The following WDR37 variants were observed in gnomAD, a reference collection of about 807,000 sequenced individuals.
WDR37 encodes WD repeat domain 37.
WDR37 carries 19 observed loss-of-function variants against 62.9 expected under a neutral mutation model. The ratio of observed to expected loss-of-function variants is 0.30; its 90% CI spans 0.21 to 0.44. The LOEUF is 0.44. WDR37 is among the 20% of genes least tolerant of loss of function. The probability of loss-of-function intolerance (pLI) is 1.00; values close to 1 mark genes in which losing one functional copy is unlikely to be tolerated. For missense variants in WDR37, 474 were observed against 657.6 expected (o/e 0.72, Z 3.05); for synonymous variants, 250 against 260.9 (o/e 0.96, Z 0.40).
At chr10:1,069,389 A>ATATTTTTTT in intron 1 of WDR37, among the ~76,000 whole-genome samples, 4 of 95,780 alleles carry the variant, frequency 4.2e-5, no homozygotes, top group African/African-American at 1.9e-4. Flanking sequence ...ATATATATAT[A>ATATTTTTTT]TTTTTTTTTT....
rs545384177 is a variant in WDR37, at chr10:1,064,118, AAG to A, written c.-41+7152_-41+7153del. 3.9e-5 allele frequency among the ~76,000 whole-genome samples: 6 copies of A among 152,368 alleles called. No homozygotes were observed. The East Asian group carries it at 1.2e-3, about 29-fold the overall frequency. ...CAGGAAGAAAATACAGGATGTAAAA[AAG>A]AAACACAAAATTTCAAAAGTGAAAA... On this transcript the variant is annotated intron_variant, in intron 1 of 13. Coordinates refer to ENST00000263150, the MANE Select transcript of WDR37 (RefSeq NM_014023.4).
intron 11 of WDR37, among the ~76,000 whole-genome samples, chr10:1,118,501 G>A (rs987007824): frequency 4.4e-4 from 66 of 149,498 alleles, no homozygotes; most frequent in African/African-American, 1.5e-3. Flanking sequence ...CGTGCACTCA[G>A]CCACCCTCAG....
chr10:1,108,119 A>G (rs1242346002), intron 11 of WDR37, among the ~76,000 whole-genome samples: 3 of 152,258 alleles, frequency 2.0e-5, no homozygotes, highest in Non-Finnish European at 4.4e-5. Context: ...CTCCTAATAC[A>G]GTACCATTGT....
chr10:1,127,058 T>C (rs1835812132), intron 13 of WDR37, among the ~76,000 whole-genome samples: 1 of 152,268 alleles, frequency 6.6e-6, no homozygotes, highest in Admixed American at 6.5e-5. Flanking sequence ...TTAGACACAG[T>C]AGAATGTTCT....
chr10:1,108,626 A>T (rs1482623269), intron 11 of WDR37, among the ~76,000 whole-genome samples: 1 of 152,062 alleles, frequency 6.6e-6, no homozygotes, highest in African/African-American at 2.4e-5. Context: ...ACTTCTGTCT[A>T]CACTGGTTAG....
chr10:1,084,653 G>A lies in WDR37; in HGVS notation c.532+115G>A, dbSNP rs1247403158. The A allele has an allele frequency of 3.5e-6, 5 of 1,438,884 alleles. No homozygotes were observed. In the East Asian group the frequency reaches 7.0e-5, roughly 20 times the overall value. 89.1% of individuals were successfully genotyped at this position (1,438,884 alleles called of 1,614,324 possible). A position where few individuals can be genotyped will look rare whatever the true frequency, so the allele number is the denominator to read the frequency against. ...ACCCTAGATGCAAAAGCGTCATGGAGGAGTCAGTGGAACCCCCCACACATT... is the reference window on the plus strand; with the variant it reads ...ACCCTAGATGCAAAAGCGTCATGGAAGAGTCAGTGGAACCCCCCACACATT... On this transcript the variant is annotated intron_variant, in intron 6 of 13. Coordinates refer to ENST00000263150, the MANE Select transcript of WDR37 (RefSeq NM_014023.4).
At chr10:1,069,390 T>TATATATA (rs1491098746) in intron 1 of WDR37, among the ~76,000 whole-genome samples, 88 of 47,100 alleles carry the variant, frequency 1.9e-3, no homozygotes, top group Non-Finnish European at 2.4e-3. Context: ...TATATATATA[T>TATATATA]TTTTTTTTTT....
chr10:1,081,813 A>G (rs369294633), intron 5 of WDR37, among the ~76,000 whole-genome samples: 48 of 152,238 alleles, frequency 3.2e-4, no homozygotes, highest in African/African-American at 8.2e-4. Context: ...TGGTGTGTAC[A>G]GTTGTATATA....
intron 9 of WDR37, among the ~76,000 whole-genome samples, chr10:1,101,190 G>T (rs1834786973): frequency 6.6e-6 from 1 of 152,142 alleles, no homozygotes; most frequent in Non-Finnish European, 1.5e-5. Context: ...TTGTTTTCTG[G>T]GGCTGCCATA....
rs1834886437 is a variant in WDR37, at chr10:1,103,313, A to T, written c.727-289A>T. ...AATGTTGAAAATCATTTTATTTGCC[A>T]TTCTGTTGATGCGTGGAAATAAATG... On this transcript the variant is annotated intron_variant, in intron 9 of 13. Transcript: ENST00000263150. This position sits in a 1 kb window ranked among gnomAD's most constrained non-coding sequence, Gnocchi z 6.3. Among the ~76,000 whole-genome samples, 1 of 152,172 alleles carries T rather than the reference A, an allele frequency of 6.6e-6. No individual in the cohort carries two copies. The highest frequency in any genetic ancestry group is 6.5e-5 in the Admixed American group (1 of 15,286).
chr10:1,081,302 T>C (rs958459602), intron 5 of WDR37, among the ~76,000 whole-genome samples: 2 of 152,256 alleles, frequency 1.3e-5, no homozygotes, highest in Non-Finnish European at 2.9e-5. Flanking sequence ...GATGGATTAC[T>C]ATCAAGTGAT....
intron 2 of WDR37, among the ~76,000 whole-genome samples, chr10:1,077,406 ACT>A (rs917305389): frequency 6.6e-6 from 1 of 151,742 alleles, no homozygotes; most frequent in African/African-American, 2.4e-5. Context: ...TCTTCACAAC[ACT>A]CTTTTAGGTG....
chr10:1,119,171 G>C (rs985409006), intron 11 of WDR37, among the ~76,000 whole-genome samples: 1 of 152,206 alleles, frequency 6.6e-6, no homozygotes, highest in Non-Finnish European at 1.5e-5. Context: ...GTGGTTGTGA[G>C]AAACGGTCTC....
At chr10:1,107,668 C>T (rs550490743) in intron 11 of WDR37, among the ~76,000 whole-genome samples, 2 of 152,230 alleles carry the variant, frequency 1.3e-5, no homozygotes, top group East Asian at 3.9e-4. Flanking sequence ...GAAACACACG[C>T]CCACTAACCC....
At chr10:1,086,253 C>T (rs748957092) in intron 6 of WDR37, 33 bp from the exon 7 acceptor site, 2 of 1,587,270 alleles carry the variant, frequency 1.3e-6, no homozygotes, top group Middle Eastern at 3.3e-4. Context: ...CTGATGATAG[C>T]TAAGTTCCGA....
At chr10:1,064,469 A>G (rs1434952523) in intron 1 of WDR37, among the ~76,000 whole-genome samples, 1 of 152,146 alleles carries the variant, frequency 6.6e-6, no homozygotes, top group Non-Finnish European at 1.5e-5. Context: ...CAGAGAAGAT[A>G]AACACAAAGA....
chr10:1,073,314 T>C (rs1833778893), intron 2 of WDR37, among the ~76,000 whole-genome samples: 2 of 152,214 alleles, frequency 1.3e-5, no homozygotes. Context: ...CCTGAGAAAT[T>C]GGCTTCTGTG....
chr10:1,103,683 A>G lies in WDR37; in HGVS notation c.808A>G (p.Ile270Val), dbSNP rs758141830. Reference protein sequence around the residue: ...DGDVSSDCPTIRVPLTSLKSH... With the variant: ...DGDVSSDCPTVRVPLTSLKSH... ...GGATGTGTCCAGCGACTGCCCCACC[A>G]TCCGCGTCCCACTGACATCCCTCAA... Residue 270 changes from isoleucine to valine, a missense_variant, in exon 10 of 14, where the codon ATC becomes GTC. Coordinates refer to ENST00000263150, the MANE Select transcript of WDR37 (RefSeq NM_014023.4). The surrounding 1 kb of genome is among the most constrained non-coding windows in gnomAD (Gnocchi z 6.3). The G allele has an allele frequency of 4.3e-6, 7 of 1,614,108 alleles. No homozygotes were observed. Among genetic ancestry groups the G allele is most frequent in the South Asian group, 1.1e-5 (1 of 91,088 alleles).
At chr10:1,092,304 C>T (rs1015722323) in intron 7 of WDR37, among the ~76,000 whole-genome samples, 16 of 152,010 alleles carry the variant, frequency 1.1e-4, no homozygotes, top group African/African-American at 3.6e-4. Flanking sequence ...CCAGCCTGGA[C>T]GACATGGCAA....
Sources: allele counts gnomAD v4.1 joint callset (sites outside exome capture counted in the v4.1 genomes callset), GRCh38; gene constraint gnomAD v4.1.1; non-coding constraint Gnocchi (gnomAD v3.1); transcripts MANE v1.5; gene names NCBI Gene and HGNC (gene_info 2026-07-23, HGNC 2026-07-21).